Variants in JRK observed in about 807,000 individuals in gnomAD.
JRK encodes Jrk helix-turn-helix protein.
For missense variants in JRK, 720 were observed against 509.2 expected (o/e 1.41, Z -3.98); for synonymous variants, 303 against 218.1 (o/e 1.39, Z -3.43).
chr8:142,667,365 T>C (rs1423894202), intron 1 of JRK, among the ~76,000 whole-genome samples: 2 of 152,020 alleles, frequency 1.3e-5, no homozygotes, highest in East Asian at 3.9e-4. Context: ...GCTCTAGTGC[T>C]GCCCGCCCAC....
chr8:142,665,091 C>G lies in JRK; in HGVS notation c.968G>C (p.Ser323Thr), dbSNP rs1554635506. Residue 323 changes from serine to threonine, a missense_variant, in exon 2 of 2, where the codon AGC becomes ACC. By Grantham distance (58) the Ser-to-Thr change is moderately conservative (BLOSUM62 1). Transcript: ENST00000612905. The stretch of plus-strand genomic sequence containing the variant: ...CATGGGCTGCACCAATGAGGCCACG[C>G]TGGCAGGCAGGAAGATGGTGAAAAC... The part of the protein sequence containing the change: ...SNVFTIFLPA[S>T]VASLVQPMEQ... 9.8e-6 allele frequency: 7 copies of G among 717,838 alleles called. No homozygotes were observed. The highest frequency in any genetic ancestry group is 8.9e-5 in the South Asian group (6 of 67,610). The allele number at this position is 717,838 out of a possible 1,614,324, so 44.5% of individuals were successfully genotyped here. A position where few individuals can be genotyped will look rare whatever the true frequency, so the allele number is the denominator to read the frequency against.
At chr8:142,655,586 G>A (rs587645880), downstream of JRK, among the ~76,000 whole-genome samples, 50 of 135,542 alleles carry the variant, frequency 3.7e-4, no homozygotes, top group Admixed American at 2.8e-3. Flanking sequence ...CCCAGGCTGT[G>A]GAGTAAAACG....
chr8:142,645,572 C>T, the JRK span, among the ~76,000 whole-genome samples: 16 of 152,016 alleles, frequency 1.1e-4, no homozygotes, highest in African/African-American at 3.4e-4. Context: ...CCCAGCTACT[C>T]GGGAGGCTGA....
the JRK span, among the ~76,000 whole-genome samples, chr8:142,645,954 G>C: frequency 6.6e-6 from 1 of 151,838 alleles, no homozygotes; most frequent in South Asian, 2.1e-4. Context: ...CTTTAAATAA[G>C]CTTTGAATGA....
In JRK at chr8:142,662,845, A is replaced by G; in HGVS notation, c.*1507T>C. On this transcript the variant is annotated 3_prime_UTR_variant, in exon 2 of 2. Transcript: ENST00000612905. ...GAGGAAAAGAATTCAAGGGCAAAGC[A>G]CTGAAAATAACATAGCAAGAAAAAC... 1.0e-6 allele frequency: 1 copy of G among 985,434 alleles called. No homozygotes were observed. Among genetic ancestry groups the G allele is most frequent in the Non-Finnish European group, 1.2e-6 (1 of 829,920 alleles). The allele number at this position is 985,434 out of a possible 1,614,324, so 61.0% of individuals were successfully genotyped here. A position where few individuals can be genotyped will look rare whatever the true frequency, so the allele number is the denominator to read the frequency against.
At chr8:142,648,164 A>G in the JRK span, among the ~76,000 whole-genome samples, 1 of 152,232 alleles carries the variant, frequency 6.6e-6, no homozygotes, top group Non-Finnish European at 1.5e-5. Flanking sequence ...TTTATAAGGG[A>G]AAGAGAGCAT....
chr8:142,664,354 A>G lies in JRK; in HGVS notation c.1705T>C (p.Ter569ArgextTer86), dbSNP rs1554635061. Residue 569 changes from the stop codon to arginine, a stop_lost, in exon 2 of 2, where the codon TGA (stop) becomes CGA (arginine). Transcript: ENST00000612905. ...GCCAGGGCAGGGCAGAGAAGCCATC[A>G]GTTGTCACCTGCTGTGGATGAGCAG... ...LPCSSTAGDN* is the reference protein window; with the variant it reads ...LPCSSTAGDNR 1.3e-6 allele frequency: 2 copies of G among 1,553,030 alleles called. No individual in the cohort carries two copies. The highest frequency in any genetic ancestry group is 8.7e-7 in the Non-Finnish European group (1 of 1,146,214).
In JRK at chr8:142,660,199, C is replaced by T; in HGVS notation, c.*4153G>A. 1.0e-6 allele frequency: 1 copy of T among 985,544 alleles called. No homozygotes were observed. Among genetic ancestry groups the T allele is most frequent in the Non-Finnish European group, 1.2e-6 (1 of 830,016 alleles). The allele number at this position is 985,544 out of a possible 1,614,324, so 61.0% of individuals were successfully genotyped here. A position where few individuals can be genotyped will look rare whatever the true frequency, so the allele number is the denominator to read the frequency against. On this transcript the variant is annotated 3_prime_UTR_variant, in exon 2 of 2. Transcript: ENST00000612905. ...TCCAACGCAGTGCCCGAGAGCTCAG[C>T]CCTTGTCAAGGAGAGTCCTCGAACC...
intron 1 of JRK, among the ~76,000 whole-genome samples, chr8:142,667,021 C>T (rs1554636300): frequency 6.6e-6 from 1 of 152,208 alleles, no homozygotes; most frequent in Non-Finnish European, 1.5e-5. Flanking sequence ...CCTCACTACC[C>T]TCCCCGCCAA....
In JRK at chr8:142,665,516, C is replaced by T. The variant is rs1469352585; in HGVS notation, c.543G>A (p.Glu181=). The T allele has an allele frequency of 5.6e-6, 4 of 718,322 alleles. No homozygotes were observed. The Admixed American group carries it at 8.0e-5, about 14-fold the overall frequency. 44.5% of individuals were successfully genotyped at this position (718,322 alleles called of 1,614,324 possible). A position where few individuals can be genotyped will look rare whatever the true frequency, so the allele number is the denominator to read the frequency against. Residue 181 remains glutamate, a synonymous_variant, in exon 2 of 2, where the codon GAG becomes GAA. Coordinates refer to ENST00000612905, the MANE Select transcript of JRK (RefSeq NM_003724.4). ...SLAAEHGLSA[E]QVYNADETGL... is the part of the protein sequence containing the mutation. ...CGGTCTCATCAGCGTTGTAAACCTG[C>T]TCGGCGGACAGCCCGTGCTCAGCAG...
In JRK at chr8:142,660,105, C is replaced by T; in HGVS notation, c.*4247G>A. ...CAGCCAGGCCTGGGGTCTACAAGAG[C>T]TGGGCAGGGAAGAGGACAAACAAGG... is the stretch of plus-strand genomic sequence containing the variant. On this transcript the variant is annotated 3_prime_UTR_variant, in exon 2 of 2. Coordinates refer to ENST00000612905, the MANE Select transcript of JRK (RefSeq NM_003724.4). The T allele has an allele frequency of 8.1e-6, 8 of 985,618 alleles. No homozygotes were observed. The South Asian group carries it at 3.8e-4, about 46-fold the overall frequency. 61.1% of individuals were successfully genotyped at this position (985,618 alleles called of 1,614,324 possible). A position where few individuals can be genotyped will look rare whatever the true frequency, so the allele number is the denominator to read the frequency against.
chr8:142,664,067 C>T lies in JRK; in HGVS notation c.*285G>A, dbSNP rs1484326122. 9.1e-6 allele frequency: 11 copies of T among 1,215,014 alleles called. No homozygotes were observed. The highest frequency in any genetic ancestry group is 3.4e-5 in the East Asian group (1 of 29,306). 75.3% of individuals were successfully genotyped at this position (1,215,014 alleles called of 1,614,324 possible). A position where few individuals can be genotyped will look rare whatever the true frequency, so the allele number is the denominator to read the frequency against. On this transcript the variant is annotated 3_prime_UTR_variant, in exon 2 of 2. Coordinates refer to ENST00000612905, the MANE Select transcript of JRK (RefSeq NM_003724.4). ...GGCTCAGCCTGGCCCCCATTCCAGC[C>T]AGGGTGCGGCTCTGGCTTGTTCTAG... is the stretch of plus-strand genomic sequence containing the variant.
At chr8:142,649,412 GAGTA>G in the JRK span, among the ~76,000 whole-genome samples, 9 of 151,988 alleles carry the variant, frequency 5.9e-5, no homozygotes, top group African/African-American at 2.2e-4. Context: ...TTTCTCCTGA[GAGTA>G]AGTAAGTCTC....
At chr8:142,650,424 T>C in the JRK span, among the ~76,000 whole-genome samples, 18 of 152,354 alleles carry the variant, frequency 1.2e-4, no homozygotes, top group African/African-American at 4.3e-4. Context: ...TTTGGCTCTG[T>C]GTCCTACCAA....
At chr8:142,667,371 C>T (rs1191724331) in intron 1 of JRK, among the ~76,000 whole-genome samples, 1 of 152,264 alleles carries the variant, frequency 6.6e-6, no homozygotes, top group South Asian at 2.1e-4. Context: ...GTGCTGCCCG[C>T]CCACCTGGCT....
At position 142,666,014 on chromosome 8, in the gene JRK, C is replaced by A; in HGVS notation, c.45G>T (p.Arg15=). The change falls in exon 2 of 2, where the codon CGG becomes CGT. Residue 15 remains arginine, a synonymous_variant. Transcript: ENST00000612905. ...CCTTCAGTGTCAGCACCACCCTCTT[C>A]CGCTTCTCCCCTCTGCTCTTCCCGG... ...PAAGKSRGEK[R]KRVVLTLKEK... 2 of 1,481,948 alleles carry A rather than the reference C, an allele frequency of 1.3e-6. No homozygotes were observed. Among genetic ancestry groups the A allele is most frequent in the Non-Finnish European group, 1.9e-6 (2 of 1,060,318 alleles). The allele number at this position is 1,481,948 out of a possible 1,614,324, so 91.8% of individuals were successfully genotyped here.
chr8:142,660,893 A>G lies in JRK; in HGVS notation c.*3459T>C, dbSNP rs1846894211. 1 of 985,238 alleles carries G rather than the reference A, an allele frequency of 1.0e-6. No homozygotes were observed. The highest frequency in any genetic ancestry group is 1.8e-5 in the African/African-American group (1 of 57,132). The allele number at this position is 985,238 out of a possible 1,614,324, so 61.0% of individuals were successfully genotyped here. On this transcript the variant is annotated 3_prime_UTR_variant, in exon 2 of 2. Coordinates refer to ENST00000612905, the MANE Select transcript of JRK (RefSeq NM_003724.4). ...GCACATCCAGCCACTGGGACCCTGA[A>G]CCTCCTCCAAATGGACTTTAACTGG...
At chr8:142,649,676 T>C in the JRK span, among the ~76,000 whole-genome samples, 9 of 152,318 alleles carry the variant, frequency 5.9e-5, no homozygotes, top group East Asian at 7.7e-4. Context: ...AAGTCCAGAA[T>C]TGAAGTTTGG....
chr8:142,661,283 A>G lies in JRK; in HGVS notation c.*3069T>C. 4.1e-6 allele frequency: 4 copies of G among 985,486 alleles called. No individual in the cohort carries two copies. The highest frequency in any genetic ancestry group is 4.8e-6 in the Non-Finnish European group (4 of 829,984). The allele number at this position is 985,486 out of a possible 1,614,324, so 61.0% of individuals were successfully genotyped here. ...ACCAACCCCAACGTAGAAGGGGCTGAAAGACCACCTACCCATCCTAACCCC... is the reference window on the plus strand; with the variant it reads ...ACCAACCCCAACGTAGAAGGGGCTGGAAGACCACCTACCCATCCTAACCCC... On this transcript the variant is annotated 3_prime_UTR_variant, in exon 2 of 2. Coordinates refer to ENST00000612905, the MANE Select transcript of JRK (RefSeq NM_003724.4).
Sources: gnomAD v4.1 joint callset for allele counts (sites outside exome capture counted in the v4.1 genomes callset) on GRCh38, gnomAD v4.1.1 for gene constraint, MANE v1.5 for transcripts, NCBI Gene and HGNC (gene_info 2026-07-23, HGNC 2026-07-21) for gene names.